Variants in TEX26 observed in about 807,000 individuals in gnomAD.
TEX26 encodes testis-expressed protein 26.
Under a neutral mutation model 35.3 loss-of-function variants are expected in TEX26, and 34 were observed. The observed-to-expected ratio is 0.96, with a 90% CI of 0.73 to 1.28. The LOEUF (loss-of-function observed/expected upper bound fraction) is 1.28. Ranked by LOEUF, TEX26 falls within the 50% of genes most tolerant of loss-of-function variation. TEX26 has a pLI of 0.00. For missense variants in TEX26, 371 were observed against 330.1 expected (o/e 1.12, Z -0.96); for synonymous variants, 136 against 111.8 (o/e 1.22, Z -1.36).
intron 2 of TEX26, among the ~76,000 whole-genome samples, chr13:30,940,851 T>C (rs1028633943): frequency 1.3e-5 from 2 of 151,980 alleles, no homozygotes; most frequent in Non-Finnish European, 2.9e-5. Context: ...GGCACGAGAA[T>C]TGCTTGAACT....
intron 4 of TEX26, 118 bp downstream of exon 4, chr13:30,957,147 C>G: frequency 9.7e-7 from 1 of 1,036,066 alleles, no homozygotes. Flanking sequence ...GGCATGGAGA[C>G]AGGCGACTTT....
intron 2 of TEX26, among the ~76,000 whole-genome samples, chr13:30,950,744 A>T (rs891352426): frequency 6.6e-6 from 1 of 152,214 alleles, no homozygotes; most frequent in Non-Finnish European, 1.5e-5. Flanking sequence ...GACATTGAGA[A>T]CCACAAGCCC....
At position 30,966,432 on chromosome 13, in the gene TEX26, CTTTTTT is replaced by C. The variant is rs10523710; in HGVS notation, c.646+51_646+56del. 7.8e-3 allele frequency: 7,704 copies of C among 988,986 alleles called. 2 individuals are homozygous for C. Among genetic ancestry groups the C allele is most frequent in the East Asian group, 0.014 (425 of 30,884 alleles). The allele number at this position is 988,986 out of a possible 1,614,324, so 61.3% of individuals were successfully genotyped here. A position where few individuals can be genotyped will look rare whatever the true frequency, so the allele number is the denominator to read the frequency against. On this transcript the variant is annotated intron_variant, in intron 5 of 6. Coordinates refer to ENST00000380473, the MANE Select transcript of TEX26 (RefSeq NM_152325.3). Reference sequence around the variant, plus strand: ...AGCTGCAGTTTCTTTTTCTTTTTCTCTTTTTTTTTTTTTTTTTTTTTTGAGACGGAG... The same window carrying C: ...AGCTGCAGTTTCTTTTTCTTTTTCTCTTTTTTTTTTTTTTTTGAGACGGAG...
chr13:30,935,987 G>T (rs1272676910), intron 1 of TEX26, among the ~76,000 whole-genome samples: 1 of 152,198 alleles, frequency 6.6e-6, no homozygotes, highest in Non-Finnish European at 1.5e-5. Flanking sequence ...GGTACACGAG[G>T]ATAATCCAGG....
intron 4 of TEX26, among the ~76,000 whole-genome samples, chr13:30,963,895 C>G (rs1193751541): frequency 6.6e-6 from 1 of 152,170 alleles, no homozygotes; most frequent in Non-Finnish European, 1.5e-5. Flanking sequence ...GATTCCACCT[C>G]TATGCCGGTC....
chr13:30,935,473 G>A (rs2138156418), intron 1 of TEX26, among the ~76,000 whole-genome samples: 2 of 152,222 alleles, frequency 1.3e-5, no homozygotes, highest in South Asian at 4.1e-4. Flanking sequence ...CAGGGAAGAG[G>A]ACAGCAGCCA....
At chr13:30,933,782 T>C (rs1953163184) in intron 1 of TEX26, 1 of 152,154 alleles carries the variant, frequency 6.6e-6, no homozygotes, top group African/African-American at 2.4e-5. Flanking sequence ...CCCCTTTGGA[T>C]GCTTCTCTTC....
At position 30,966,290 on chromosome 13, in the gene TEX26, A is replaced by G. The variant is rs772357208; in HGVS notation, c.538A>G (p.Thr180Ala). The G allele has an allele frequency of 1.9e-6, 3 of 1,613,964 alleles. No homozygotes were observed. In the Admixed American group the frequency reaches 5.0e-5, roughly 27 times the overall value. ...AAAGTTACTTCCCCAACCTCCAGAC[A>G]CTGAATTCCGAAGGAATTACCAAAT... ...WKKLLPQPPD[T>A]EFRRNYQIPA... The change falls in exon 5 of 7, where the codon ACT becomes GCT. Residue 180 changes from threonine to alanine, a missense_variant. Coordinates refer to ENST00000380473, the MANE Select transcript of TEX26 (RefSeq NM_152325.3).
chr13:30,972,662 T>C (rs982339357), intron 6 of TEX26, among the ~76,000 whole-genome samples: 2 of 152,196 alleles, frequency 1.3e-5, no homozygotes, highest in Non-Finnish European at 2.9e-5. Flanking sequence ...TGAGACAGAA[T>C]CTCCCTCTGT....
At chr13:30,938,571 T>G (rs1340081403) in intron 1 of TEX26, among the ~76,000 whole-genome samples, 1 of 152,108 alleles carries the variant, frequency 6.6e-6, no homozygotes, top group African/African-American at 2.4e-5. Context: ...TCTGATTACC[T>G]CATCTAATCT....
chr13:30,964,497 A>G (rs1297099229), intron 4 of TEX26, among the ~76,000 whole-genome samples: 1 of 152,262 alleles, frequency 6.6e-6, no homozygotes, highest in African/African-American at 2.4e-5. Context: ...TAGGAACTGA[A>G]AACATTTACT....
chr13:30,957,034 A>T lies in TEX26; in HGVS notation c.469+5A>T, dbSNP rs376490558. 201 of 1,611,906 alleles carry T rather than the reference A, an allele frequency of 1.2e-4. No individual in the cohort carries two copies. Among genetic ancestry groups the T allele is most frequent in the Non-Finnish European group, 1.6e-4 (193 of 1,178,448 alleles). ...ACTTTGTGGACAGATCAAAAGGTAA[A>T]CACTTTTGTTTTTCTTTTTTTCCTG... On this transcript the variant is annotated splice_donor_5th_base_variant and intron_variant, in intron 4 of 6. Coordinates refer to ENST00000380473, the MANE Select transcript of TEX26 (RefSeq NM_152325.3).
intron 3 of TEX26, among the ~76,000 whole-genome samples, chr13:30,956,338 C>T (rs1954129494): frequency 6.6e-6 from 1 of 151,974 alleles, no homozygotes; most frequent in Admixed American, 6.6e-5. Flanking sequence ...CTACAAAGGA[C>T]ATGAACTCAT....
At chr13:30,959,501 C>G (rs914789972) in intron 4 of TEX26, among the ~76,000 whole-genome samples, 1 of 152,168 alleles carries the variant, frequency 6.6e-6, no homozygotes, top group African/African-American at 2.4e-5. Context: ...AATTCAATTG[C>G]TAGTGTATAT....
intron 1 of TEX26, chr13:30,933,775 C>A (rs1190634454): frequency 6.6e-6 from 1 of 152,152 alleles, no homozygotes; most frequent in Non-Finnish European, 1.5e-5. Flanking sequence ...GACAGCACCC[C>A]TTTGGATGCT....
intron 2 of TEX26, among the ~76,000 whole-genome samples, chr13:30,948,095 T>G (rs1320308953): frequency 6.6e-6 from 1 of 152,200 alleles, no homozygotes; most frequent in Non-Finnish European, 1.5e-5. Context: ...CTGTATAGTA[T>G]TCCATGGTGT....
intron 3 of TEX26, 56 bp from the exon 4 acceptor site, chr13:30,956,817 G>T: frequency 6.8e-7 from 1 of 1,461,988 alleles, no homozygotes; most frequent in Non-Finnish European, 9.5e-7. Context: ...TCAGATTATT[G>T]ATCCTATTGG....
intron 6 of TEX26, 38 bp from the exon 7 acceptor site, chr13:30,974,808 G>T: frequency 6.6e-7 from 1 of 1,506,044 alleles, no homozygotes; most frequent in South Asian, 1.3e-5. Context: ...AAATACTTAC[G>T]TGAAAATTTT....
chr13:30,974,047 G>T (rs753992350), intron 6 of TEX26, among the ~76,000 whole-genome samples: 10 of 149,392 alleles, frequency 6.7e-5, no homozygotes, highest in Non-Finnish European at 1.3e-4. Context: ...CTTGAACCTG[G>T]GAGGCAGAGG....
Sources: gnomAD v4.1 joint callset for allele counts (sites outside exome capture counted in the v4.1 genomes callset) on GRCh38, gnomAD v4.1.1 for gene constraint, MANE v1.5 for transcripts, NCBI Gene and HGNC (gene_info 2026-07-23, HGNC 2026-07-21) for gene names.